The following TMEM209 variants were observed in gnomAD, a reference collection of about 807,000 sequenced individuals.
TMEM209 encodes transmembrane protein 209, also known as testicular tissue protein Li 202.
In TMEM209, 65 loss-of-function variants were observed where a neutral mutation model predicts 76.2. That is an observed-to-expected ratio of 0.85 (90% CI 0.70 to 1.05). The LOEUF is 1.05. TMEM209 is among the 50% of genes least tolerant of loss of function. The pLI is 0.00. For synonymous variants in TMEM209, 239 were observed against 237.6 expected, an observed-to-expected ratio of 1.01 and a Z score of -0.06; for missense variants, 623 against 685.5, an observed-to-expected ratio of 0.91 and a Z score of 1.02.
At chr7:130,195,005 C>A (rs938052551) in intron 5 of TMEM209, among the ~76,000 whole-genome samples, 3 of 151,928 alleles carry the variant, frequency 2.0e-5, no homozygotes, top group Non-Finnish European at 4.4e-5. Context: ...TATATCTGGG[C>A]TATTATTGCA....
intron 13 of TMEM209, among the ~76,000 whole-genome samples, 158 bp from the exon 14 acceptor site, chr7:130,170,631 T>C (rs1055854871): frequency 6.6e-6 from 1 of 152,150 alleles, no homozygotes; most frequent in African/African-American, 2.4e-5. Context: ...CGCTTTGTGC[T>C]AGGAAGTGGG....
At position 130,203,958 on chromosome 7, in the gene TMEM209, G is replaced by T. The variant is rs777225622; in HGVS notation, c.140+16C>A. 6.2e-7 allele frequency: 1 copy of T among 1,606,966 alleles called. No homozygotes were observed. The highest frequency in any genetic ancestry group is 8.5e-7 in the Non-Finnish European group (1 of 1,177,990). On this transcript the variant is annotated intron_variant, in intron 2 of 14. Coordinates refer to ENST00000397622, the MANE Select transcript of TMEM209 (RefSeq NM_032842.4). ...GGCTTCTTAAAGTTTCACTTTTTTTGGACTGATTCACTTACATTTCAGTAT... is the reference window on the plus strand; with the variant it reads ...GGCTTCTTAAAGTTTCACTTTTTTTTGACTGATTCACTTACATTTCAGTAT...
At chr7:130,167,382 A>G (rs1052954627) in intron 14 of TMEM209, among the ~76,000 whole-genome samples, 2 of 152,152 alleles carry the variant, frequency 1.3e-5, no homozygotes, top group Admixed American at 1.3e-4. Context: ...TACAAATAAT[A>G]TCAAATTTGA....
chr7:130,178,371 CTTATT>C, intron 10 of TMEM209, 26 bp downstream of exon 10: 1 of 1,549,818 alleles, frequency 6.5e-7, no homozygotes, highest in Non-Finnish European at 8.7e-7. Flanking sequence ...TAAAAAAGCT[CTTATT>C]TTTTTCTCTT....
chr7:130,165,543 A>C lies in TMEM209; in HGVS notation c.*908T>G, dbSNP rs1796853952. ...AAACCCAAATTAAAACTACCAGCTA[A>C]ATTTAATCTAAGTGTTGACTTTTTA... On this transcript the variant is annotated 3_prime_UTR_variant, in exon 15 of 15. Transcript: ENST00000397622. The C allele has an allele frequency of 6.6e-6, 1 of 152,110 alleles. No individual in the cohort carries two copies. 9.4% of individuals were successfully genotyped at this position (152,110 alleles called of 1,614,324 possible).
intron 5 of TMEM209, among the ~76,000 whole-genome samples, chr7:130,197,336 A>T (rs1034737956): frequency 2.6e-5 from 4 of 152,354 alleles, no homozygotes; most frequent in South Asian, 4.1e-4. Context: ...ACATGGATGA[A>T]CTCTGAGGAC....
chr7:130,205,067 C>A, intron 1 of TMEM209: 1 of 1,350,720 alleles, frequency 7.4e-7, no homozygotes, highest in Non-Finnish European at 9.5e-7. Context: ...TTCAGCTAGG[C>A]TCAACTCTTA....
In TMEM209 at chr7:130,205,293, G is replaced by A. The variant is rs1295452521; in HGVS notation, c.3+80C>T. On this transcript the variant is annotated intron_variant, in intron 1 of 14. Coordinates refer to ENST00000397622, the MANE Select transcript of TMEM209 (RefSeq NM_032842.4). The stretch of plus-strand genomic sequence containing the variant: ...CCACATCCCCCTTGGCTGAACCCAG[G>A]ACAGATCAGCAGGCGCGGAACTCCC... The A allele has an allele frequency of 6.2e-6, 10 of 1,613,066 alleles. No homozygotes were observed. In the African/African-American group the frequency reaches 9.3e-5, roughly 15 times the overall value.
chr7:130,189,345 G>A (rs1165288066), intron 6 of TMEM209, among the ~76,000 whole-genome samples: 4 of 152,124 alleles, frequency 2.6e-5, no homozygotes, highest in Admixed American at 1.3e-4. Flanking sequence ...ACAGGCTCGC[G>A]TCACCAAGCC....
chr7:130,205,083 C>A (rs1188829577), intron 1 of TMEM209: 1 of 1,397,388 alleles, frequency 7.2e-7, no homozygotes, highest in Non-Finnish European at 9.3e-7. Context: ...TCTTACAGAC[C>A]GTGCAAAACT....
intron 4 of TMEM209, 127 bp from the exon 5 acceptor site, chr7:130,202,218 A>G (rs940175187): frequency 1.3e-5 from 16 of 1,262,920 alleles, no homozygotes; most frequent in Non-Finnish European, 1.7e-5. Context: ...TTGTTAAATC[A>G]CAGAATGTAT....
chr7:130,168,271 A>C (rs1051885124), intron 14 of TMEM209, among the ~76,000 whole-genome samples: 5 of 152,200 alleles, frequency 3.3e-5, no homozygotes, highest in African/African-American at 9.6e-5. Flanking sequence ...CTATAATCTG[A>C]AAATCCGAAA....
chr7:130,184,316 ATTCT>A (rs1360644747), intron 7 of TMEM209, 61 bp from the exon 8 acceptor site: 3 of 1,218,854 alleles, frequency 2.5e-6, no homozygotes, highest in South Asian at 1.4e-5. Context: ...AGAAATCATC[ATTCT>A]TTCTCCCATC....
At chr7:130,188,997 C>A (rs1275588478) in intron 6 of TMEM209, among the ~76,000 whole-genome samples, 1 of 151,986 alleles carries the variant, frequency 6.6e-6, no homozygotes, top group Non-Finnish European at 1.5e-5. Context: ...AAAAATCCCA[C>A]AAAACCCACA....
Position 130,204,040 on chromosome 7 carries a change from GCCTCTGTTTCTT to G in TMEM209, c.62_73del (p.Lys21_Ala25delinsThr), listed in dbSNP as rs766613454. 1 of 1,613,454 alleles carries G rather than the reference GCCTCTGTTTCTT, an allele frequency of 6.2e-7. No individual in the cohort carries two copies. Among genetic ancestry groups the G allele is most frequent in the Non-Finnish European group, 8.5e-7 (1 of 1,179,672 alleles). On this transcript the variant is annotated inframe_deletion, in exon 2 of 15. Transcript: ENST00000397622. Reference sequence around the variant, plus strand: ...TCCCCAGGCTAAGACCACTTTCCTAGCCTCTGTTTCTTTTCTCATCTTGATGGTTCTGTCAAT... The same window carrying G: ...TCCCCAGGCTAAGACCACTTTCCTAGTTCTCATCTTGATGGTTCTGTCAAT...
chr7:130,185,721 G>A (rs1797575962), intron 6 of TMEM209, among the ~76,000 whole-genome samples: 1 of 152,080 alleles, frequency 6.6e-6, no homozygotes, highest in Non-Finnish European at 1.5e-5. Context: ...GGCCAAGCAA[G>A]TTCTTTATTT....
chr7:130,194,067 C>T (rs1797888037), intron 5 of TMEM209, among the ~76,000 whole-genome samples: 2 of 151,398 alleles, frequency 1.3e-5, no homozygotes, highest in East Asian at 1.9e-4. Flanking sequence ...GGTGTGGTGG[C>T]GGGCACCTGT....
At position 130,170,102 on chromosome 7, in the gene TMEM209, T is replaced by A. The variant is rs114761687; in HGVS notation, c.1631+298A>T. 8.4e-3 allele frequency among the ~76,000 whole-genome samples: 1,259 copies of A among 150,546 alleles called. 9 individuals carry two copies. Among genetic ancestry groups the A allele is most frequent in the African/African-American group, 0.015 (617 of 41,126 alleles). On this transcript the variant is annotated intron_variant, in intron 14 of 14. Coordinates refer to ENST00000397622, the MANE Select transcript of TMEM209 (RefSeq NM_032842.4). ...TTGGAAAAAAACAGTCTCCAGATTT[T>A]AAAAAAAAAATGTTTTTAAACGGCA...
At chr7:130,169,920 A>AT (rs1176282761) in intron 14 of TMEM209, among the ~76,000 whole-genome samples, 1 of 152,120 alleles carries the variant, frequency 6.6e-6, no homozygotes, top group Non-Finnish European at 1.5e-5. Flanking sequence ...ACAATTTTGA[A>AT]TTTCTTGCAG....
Sources: allele counts gnomAD v4.1 joint callset (sites outside exome capture counted in the v4.1 genomes callset), GRCh38; gene constraint gnomAD v4.1.1; transcripts MANE v1.5; gene names NCBI Gene and HGNC (gene_info 2026-07-23, HGNC 2026-07-21).